Variants in SWT1 observed in about 807,000 individuals in gnomAD.
SWT1 encodes the protein SWT1 RNA endoribonuclease homolog.
SWT1 carries 33 observed loss-of-function variants against 107.3 expected under a neutral mutation model. The observed-to-expected ratio is 0.31, with a 90% CI of 0.23 to 0.41. The LOEUF (loss-of-function observed/expected upper bound fraction) is 0.41. SWT1 is among the 10% of genes least tolerant of loss of function. SWT1 has a pLI of 1.00. For synonymous variants in SWT1, 345 were observed against 348.3 expected (o/e 0.99, Z 0.11); for missense variants, 898 against 1,028.9 (o/e 0.87, Z 1.74).
rs71555458 is a variant in SWT1, at chr1:185,173,042, C to CAA, written c.225-1312_225-1311dup. ...CTGGCGACAAAGCGAGACTCCGTCT[C>CAA]AAAAAAAAAAAAAAAAAAAGAAGAA... On this transcript the variant is annotated intron_variant, in intron 4 of 18. Coordinates refer to ENST00000367500, the MANE Select transcript of SWT1 (RefSeq NM_017673.7). Among the ~76,000 whole-genome samples the CAA allele has an allele frequency of 8.6e-3, 751 of 87,064 alleles. 24 individuals are homozygous for CAA. Among genetic ancestry groups the CAA allele is most frequent in the East Asian group, 0.015 (43 of 2,874 alleles). The allele number at this position is 87,064 out of a possible 152,430, so 57.1% of individuals were successfully genotyped here. A position where few individuals can be genotyped will look rare whatever the true frequency, so the allele number is the denominator to read the frequency against.
At chr1:185,158,340 T>C (rs1038015474) in intron 1 of SWT1, among the ~76,000 whole-genome samples, 5 of 151,930 alleles carry the variant, frequency 3.3e-5, no homozygotes, top group African/African-American at 1.2e-4. Context: ...CTGTGAGTTA[T>C]AGTCCTAAAT....
intron 16 of SWT1, among the ~76,000 whole-genome samples, chr1:185,254,992 T>C (rs1021760765): frequency 6.6e-6 from 1 of 152,116 alleles, no homozygotes; most frequent in African/African-American, 2.4e-5. Context: ...TTTGTTCTCG[T>C]TGGTTTCAAA....
chr1:185,187,770 C>G (rs906074833), intron 9 of SWT1, among the ~76,000 whole-genome samples: 1 of 152,068 alleles, frequency 6.6e-6, no homozygotes, highest in African/African-American at 2.4e-5. Flanking sequence ...CTGCAATCTC[C>G]GCCTCCCGGC....
chr1:185,218,791 T>C (rs543441542), intron 14 of SWT1, among the ~76,000 whole-genome samples: 4 of 152,334 alleles, frequency 2.6e-5, no homozygotes, highest in Admixed American at 2.0e-4. Context: ...AGTTGTGGTA[T>C]TTTTAACCTC....
rs760650541 is a variant in SWT1 at position 185,175,003 on chromosome 1, C to G, written c.856C>G (p.His286Asp). ...AAATGTGACTAGGCAGAAAACTGAACATTTACTTTCAGATTTTACATATAA... is the reference window on the plus strand; with the variant it reads ...AAATGTGACTAGGCAGAAAACTGAAGATTTACTTTCAGATTTTACATATAA... ...SLNVTRQKTE[H>D]LLSDFTYKRT... The change falls in exon 5 of 19, where the codon CAT becomes GAT. Residue 286 changes from histidine (H) to aspartate (D), a missense_variant. This residue lies in a region of SWT1 where 382 missense variants were observed against 362.4 expected (regional missense o/e 1.05). Transcript: ENST00000367500. 1 of 1,613,720 alleles carries G rather than the reference C, an allele frequency of 6.2e-7. No homozygotes were observed. Among genetic ancestry groups the G allele is most frequent in the Non-Finnish European group, 8.5e-7 (1 of 1,179,912 alleles).
At chr1:185,234,809 A>G (rs1356070027) in intron 16 of SWT1, among the ~76,000 whole-genome samples, 1 of 151,590 alleles carries the variant, frequency 6.6e-6, no homozygotes, top group East Asian at 1.9e-4. Flanking sequence ...ATGGCAGGCC[A>G]CTAGCTAGAC....
chr1:185,267,184 G>A (rs1663468090), intron 16 of SWT1, among the ~76,000 whole-genome samples: 1 of 152,194 alleles, frequency 6.6e-6, no homozygotes, highest in Admixed American at 6.5e-5. Flanking sequence ...TTATATAACA[G>A]CTAATATTTA....
At chr1:185,286,077 C>CA (rs1664929466) in intron 18 of SWT1, among the ~76,000 whole-genome samples, 1 of 152,082 alleles carries the variant, frequency 6.6e-6, no homozygotes. Flanking sequence ...TCTGTTTCTA[C>CA]AAAAAAGGTT....
At chr1:185,190,278 C>T (rs1431952387) in intron 9 of SWT1, among the ~76,000 whole-genome samples, 2 of 152,212 alleles carry the variant, frequency 1.3e-5, no homozygotes, top group Non-Finnish European at 2.9e-5. Flanking sequence ...CAGTATCCTT[C>T]ACTGGAGTGG....
chr1:185,253,686 C>T (rs1168714802), intron 16 of SWT1, among the ~76,000 whole-genome samples: 7 of 152,208 alleles, frequency 4.6e-5, no homozygotes, highest in South Asian at 4.1e-4. Flanking sequence ...TCGGCTGAGA[C>T]GATGGGGTTT....
At chr1:185,207,304 A>AT (rs564467507) in intron 13 of SWT1, among the ~76,000 whole-genome samples, 1 of 152,322 alleles carries the variant, frequency 6.6e-6, no homozygotes, top group Admixed American at 6.5e-5. Context: ...TTTAAACTAT[A>AT]TTGAACAGAA....
intron 10 of SWT1, among the ~76,000 whole-genome samples, chr1:185,196,925 G>A (rs569610354): frequency 6.6e-6 from 1 of 152,142 alleles, no homozygotes; most frequent in East Asian, 1.9e-4. Flanking sequence ...TCTTCTCTTC[G>A]TATTTGAGTA....
intron 16 of SWT1, chr1:185,251,267 A>G (rs895545770): frequency 6.6e-6 from 1 of 152,404 alleles, no homozygotes; most frequent in Non-Finnish European, 1.5e-5. Context: ...TACTTTTTAT[A>G]AAGCTACATC....
intron 1 of SWT1, among the ~76,000 whole-genome samples, chr1:185,157,975 T>G (rs575442357): frequency 6.6e-6 from 1 of 152,252 alleles, no homozygotes; most frequent in South Asian, 2.1e-4. Context: ...ATAAATCCAC[T>G]GGGACAGAAA....
intron 9 of SWT1, among the ~76,000 whole-genome samples, chr1:185,187,913 G>A (rs779167163): frequency 1.3e-5 from 2 of 152,054 alleles, no homozygotes; most frequent in African/African-American, 2.4e-5. Context: ...GGCTGGTCTC[G>A]ATCTCCTGAC....
intron 16 of SWT1, among the ~76,000 whole-genome samples, chr1:185,270,749 T>C (rs1663798328): frequency 6.6e-6 from 1 of 152,172 alleles, no homozygotes; most frequent in South Asian, 2.1e-4. Flanking sequence ...TCTGTGTTTG[T>C]CATTTGTTAT....
intron 16 of SWT1, chr1:185,251,194 T>A (rs1363462936): frequency 1.3e-5 from 2 of 152,204 alleles, no homozygotes; most frequent in African/African-American, 4.8e-5. Context: ...AAAAAATAAA[T>A]AAATTAATAA....
chr1:185,172,647 G>A (rs1655170282), intron 4 of SWT1, among the ~76,000 whole-genome samples: 1 of 151,996 alleles, frequency 6.6e-6, no homozygotes, highest in African/African-American at 2.4e-5. Context: ...TTCTTTGTGG[G>A]ACTGTTATGT....
intron 13 of SWT1, among the ~76,000 whole-genome samples, chr1:185,211,811 G>A (rs1328316304): frequency 2.6e-5 from 4 of 152,086 alleles, no homozygotes; most frequent in African/African-American, 9.7e-5. Flanking sequence ...CAACCCAAAT[G>A]TCCAACAATG....
Sources: gnomAD v4.1 joint callset for allele counts (sites outside exome capture counted in the v4.1 genomes callset) on GRCh38, gnomAD v4.1.1 for gene constraint, gnomAD v4.1.1 regional missense constraint, MANE v1.5 for transcripts, NCBI Gene and HGNC (gene_info 2026-07-23, HGNC 2026-07-21) for gene names.